Variants in VPS53 observed in about 807,000 individuals in gnomAD.
VPS53 encodes the protein VPS53 subunit of GARP complex, also known as vacuolar protein sorting-associated protein 53 homolog.
Under a neutral mutation model 107.0 loss-of-function variants are expected in VPS53, and 70 were observed. That is an observed-to-expected ratio of 0.65 (90% confidence interval 0.54 to 0.80). The LOEUF is 0.80. Among genes scored for constraint, VPS53 ranks in the 30% least tolerant of loss-of-function variants. VPS53 has a pLI of 0.00. For missense variants in VPS53, 917 were observed against 1,049.4 expected (o/e 0.87, Z 1.74); for synonymous variants, 409 against 393.3 (o/e 1.04, Z -0.47).
At chr17:591,480 A>G (rs910538807) in intron 12 of VPS53, among the ~76,000 whole-genome samples, 4 of 151,756 alleles carry the variant, frequency 2.6e-5, no homozygotes, top group African/African-American at 7.3e-5. Context: ...TAGGGTGTCA[A>G]TTTTGGATCT....
chr17:584,179 G>A (rs1471648952), intron 13 of VPS53, among the ~76,000 whole-genome samples: 3 of 152,198 alleles, frequency 2.0e-5, no homozygotes, highest in Non-Finnish European at 2.9e-5. Context: ...GGTCCCTTCC[G>A]AGTGCGTTCT....
intron 4 of VPS53, among the ~76,000 whole-genome samples, chr17:665,962 C>A (rs1236664824): frequency 6.6e-6 from 1 of 152,060 alleles, no homozygotes; most frequent in Non-Finnish European, 1.5e-5. Context: ...TGAGATAGCA[C>A]CACTGCACTC....
intron 8 of VPS53, 30 bp from the exon 9 acceptor site, chr17:628,261 A>C (rs1330597800): frequency 6.2e-7 from 1 of 1,610,428 alleles, no homozygotes; most frequent in Admixed American, 1.7e-5. Flanking sequence ...CCAGGTGAAA[A>C]GCCAGAAACA....
At chr17:555,594 C>T (rs1912271002) in intron 15 of VPS53, among the ~76,000 whole-genome samples, 1 of 152,192 alleles carries the variant, frequency 6.6e-6, no homozygotes, top group South Asian at 2.1e-4. Flanking sequence ...CTCGGCCTCC[C>T]AAAGTGCTGG....
intron 4 of VPS53, 119 bp downstream of exon 4, chr17:697,299 C>A: frequency 1.2e-6 from 1 of 856,292 alleles, no homozygotes; most frequent in Non-Finnish European, 2.0e-6. Flanking sequence ...CTTGTCCTGC[C>A]ATGTATGAAA....
chr17:618,528 G>A (rs922498942), intron 11 of VPS53, among the ~76,000 whole-genome samples: 1 of 151,362 alleles, frequency 6.6e-6, no homozygotes, highest in Non-Finnish European at 1.5e-5. Context: ...TATTTCCTGG[G>A]TAGCTGGGAC....
chr17:697,590 A>C (rs1193339582), intron 3 of VPS53, 106 bp from the exon 4 acceptor site: 1 of 906,876 alleles, frequency 1.1e-6, no homozygotes, highest in East Asian at 2.5e-5. Flanking sequence ...TGCAGACTGC[A>C]CCTAATTGTC....
At chr17:637,275 A>T (rs936155929) in intron 7 of VPS53, among the ~76,000 whole-genome samples, 2 of 152,024 alleles carry the variant, frequency 1.3e-5, no homozygotes, top group African/African-American at 4.8e-5. Context: ...CCCCTTTATC[A>T]TTTTTTATTG....
At chr17:712,712 C>T (rs1973689718) in intron 1 of VPS53, among the ~76,000 whole-genome samples, 1 of 152,080 alleles carries the variant, frequency 6.6e-6, no homozygotes, top group Non-Finnish European at 1.5e-5. Context: ...CTTATTCTTA[C>T]AAAATAGGAA....
intron 14 of VPS53, among the ~76,000 whole-genome samples, 186 bp downstream of exon 14, chr17:562,317 C>T (rs1913085664): frequency 6.6e-6 from 1 of 152,140 alleles, no homozygotes; most frequent in South Asian, 2.1e-4. Flanking sequence ...GACATTTCCT[C>T]TGATGGTCTT....
intron 7 of VPS53, among the ~76,000 whole-genome samples, chr17:637,219 T>G (rs2143257118): frequency 6.6e-6 from 1 of 152,362 alleles, no homozygotes; most frequent in Middle Eastern, 3.4e-3. Context: ...GTGTTTATAG[T>G]ATTTTCTGAT....
intron 2 of VPS53, among the ~76,000 whole-genome samples, chr17:704,724 T>A (rs370218693): frequency 2.6e-5 from 4 of 152,158 alleles, no homozygotes; most frequent in Non-Finnish European, 5.9e-5. Flanking sequence ...GACACAGAAC[T>A]GAATCTGTGG....
intron 11 of VPS53, among the ~76,000 whole-genome samples, chr17:608,463 G>A (rs1015284327): frequency 6.6e-6 from 1 of 152,120 alleles, no homozygotes; most frequent in Non-Finnish European, 1.5e-5. Context: ...GCTTGCAGAA[G>A]CGTCAAAAAT....
chr17:614,972 C>T (rs1464179234), intron 11 of VPS53, among the ~76,000 whole-genome samples: 1 of 152,118 alleles, frequency 6.6e-6, no homozygotes, highest in African/African-American at 2.4e-5. Context: ...CAAAAACCTC[C>T]CAGTGAGGCA....
intron 4 of VPS53, among the ~76,000 whole-genome samples, chr17:668,361 C>T (rs890584016): frequency 4.6e-5 from 7 of 152,134 alleles, no homozygotes; most frequent in Admixed American, 4.6e-4. Flanking sequence ...TCATGGTGCA[C>T]CTGTAAGAGT....
chr17:536,860 G>GT (rs1307758271), intron 18 of VPS53, 168 bp downstream of exon 18: 1 of 766,984 alleles, frequency 1.3e-6, no homozygotes, highest in Non-Finnish European at 2.0e-6. Context: ...GCCACTTTGT[G>GT]TGTGGGGAGG....
Position 520,786 on chromosome 17 carries a change from T to TCTTCACCCTCACCTACATAAGCTG in VPS53, c.2223+814_2223+815insCAGCTTATGTAGGTGAGGGTGAAG, listed in dbSNP as rs1567595199. The stretch of plus-strand genomic sequence containing the variant: ...CAGCTTCACCCTCACCTACATGAGC[T>TCTTCACCCTCACCTACATAAGCTG]CTTCACCCTCACCTACATGAGCTGC... On this transcript the variant is annotated intron_variant, in intron 20 of 21. Coordinates refer to ENST00000437048, the MANE Select transcript of VPS53 (RefSeq NM_001128159.3). This position sits in a 1 kb window ranked among gnomAD's most constrained non-coding sequence, Gnocchi z 4.4. 6.0e-5 allele frequency among the ~76,000 whole-genome samples: 7 copies of TCTTCACCCTCACCTACATAAGCTG among 116,148 alleles called. No individual in the cohort carries two copies. In the East Asian group the frequency reaches 1.8e-3, roughly 30 times the overall value. 76.2% of individuals were successfully genotyped at this position (116,148 alleles called of 152,430 possible).
At chr17:617,145 G>A (rs1461450157) in intron 11 of VPS53, among the ~76,000 whole-genome samples, 1 of 152,224 alleles carries the variant, frequency 6.6e-6, no homozygotes, top group African/African-American at 2.4e-5. Context: ...TGCCCAGCCA[G>A]AGGCCGTGGG....
chr17:610,244 C>G (rs1044951053), intron 11 of VPS53, among the ~76,000 whole-genome samples: 1 of 151,306 alleles, frequency 6.6e-6, no homozygotes, highest in Non-Finnish European at 1.5e-5. Context: ...AAGGGTCCTA[C>G]GAGAAAAGAA....
Sources: allele counts gnomAD v4.1 joint callset (sites outside exome capture counted in the v4.1 genomes callset), GRCh38; gene constraint gnomAD v4.1.1; non-coding constraint Gnocchi (gnomAD v3.1); transcripts MANE v1.5; gene names NCBI Gene and HGNC (gene_info 2026-07-23, HGNC 2026-07-21).